Variants in DENND2A observed in about 807,000 individuals in gnomAD.
DENND2A encodes the protein DENN domain-containing protein 2A.
A neutral mutation model predicts 105.3 loss-of-function variants in DENND2A; 53 were observed. That is an observed-to-expected ratio of 0.50 (90% confidence interval 0.40 to 0.63). DENND2A has a LOEUF of 0.63. Among genes scored for constraint, DENND2A ranks in the 30% least tolerant of loss-of-function variants. DENND2A has a pLI of 0.00. For synonymous variants in DENND2A, 522 were observed against 508.4 expected (o/e 1.03, Z -0.36); for missense variants, 1,138 against 1,279.6 (o/e 0.89, Z 1.69).
At chr7:140,519,784 C>A in intron 18 of DENND2A, 66 bp from the exon 19 acceptor site, 1 of 1,402,620 alleles carries the variant, frequency 7.1e-7, no homozygotes, top group Non-Finnish European at 1.0e-6. Flanking sequence ...GTGTCCATTT[C>A]CTCCCTACCA....
intron 14 of DENND2A, among the ~76,000 whole-genome samples, chr7:140,528,796 T>C (rs1796152607): frequency 6.8e-6 from 1 of 147,134 alleles, no homozygotes; most frequent in Non-Finnish European, 1.5e-5. Context: ...GGGTTAACCA[T>C]TTTATGCATT....
In DENND2A at chr7:140,601,428, T is replaced by C; in HGVS notation, c.970A>G (p.Arg324Gly). The change falls in exon 3 of 20, where the codon AGA becomes GGA. Residue 324 changes from arginine (R) to glycine (G), a missense_variant. This residue lies in a region of DENND2A where 511 missense variants were observed against 499.9 expected (regional missense o/e 1.02). Transcript: ENST00000496613. ...SSVNRRLWTGRQKSSADHRKS... is the reference protein window; with the variant it reads ...SSVNRRLWTGGQKSSADHRKS... Reference sequence around the variant, plus strand: ...CTGTGGTCTGCACTGGATTTCTGTCTCCCGGTCCACAGTCTTCTGTTCACA... The same window carrying C: ...CTGTGGTCTGCACTGGATTTCTGTCCCCCGGTCCACAGTCTTCTGTTCACA... The C allele has an allele frequency of 6.2e-7, 1 of 1,605,980 alleles. No homozygotes were observed. Among genetic ancestry groups the C allele is most frequent in the South Asian group, 1.1e-5 (1 of 89,258 alleles).
intron 16 of DENND2A, among the ~76,000 whole-genome samples, chr7:140,525,526 A>G (rs73163296): frequency 0.017 from 2,516 of 152,268 alleles, 34 homozygotes; most frequent in Non-Finnish European, 0.029. Context: ...ATTGTTAGAA[A>G]ACCATTTTGT....
At chr7:140,629,284 G>T (rs2130734736) in intron 1 of DENND2A, among the ~76,000 whole-genome samples, 1 of 152,272 alleles carries the variant, frequency 6.6e-6, no homozygotes, top group South Asian at 2.1e-4. Flanking sequence ...ATATAAACTG[G>T]AGAAATTTGG....
intron 9 of DENND2A, among the ~76,000 whole-genome samples, chr7:140,566,145 C>T (rs1290710510): frequency 6.6e-6 from 1 of 152,132 alleles, no homozygotes; most frequent in Admixed American, 6.6e-5. Flanking sequence ...GATTCTACAG[C>T]CTCAGCCTCC....
intron 5 of DENND2A, among the ~76,000 whole-genome samples, chr7:140,575,328 T>G (rs1234034967): frequency 6.6e-6 from 1 of 152,136 alleles, no homozygotes; most frequent in Non-Finnish European, 1.5e-5. Flanking sequence ...ACTCTGTTGG[T>G]GAAAGTGAGG....
Position 140,640,504 on chromosome 7 carries a change from C to T in DENND2A, c.-248G>A, listed in dbSNP as rs1360134028. On this transcript the variant is annotated splice_region_variant and 5_prime_UTR_variant, in exon 1 of 20. Transcript: ENST00000496613. The surrounding 1 kb of genome is among the most constrained non-coding windows in gnomAD (Gnocchi z 4.9). ...ACCCCCTGGCCCGGCCCGGCCCTAC[C>T]TCCCCGCGGGCGGCGGCTCCGCGGG... 1.3e-5 allele frequency: 2 copies of T among 151,000 alleles called. No homozygotes were observed. Among genetic ancestry groups the T allele is most frequent in the African/African-American group, 4.9e-5 (2 of 41,158 alleles). The allele number at this position is 151,000 out of a possible 1,614,324, so 9.4% of individuals were successfully genotyped here.
intron 16 of DENND2A, among the ~76,000 whole-genome samples, chr7:140,525,529 C>T (rs1379511780): frequency 6.6e-6 from 1 of 152,112 alleles, no homozygotes; most frequent in East Asian, 1.9e-4. Flanking sequence ...GTTAGAAAAC[C>T]ATTTTGTGTC....
At chr7:140,567,298 GA>G in intron 8 of DENND2A, 25 bp from the exon 9 acceptor site, 2 of 1,081,522 alleles carry the variant, frequency 1.8e-6, no homozygotes, top group Admixed American at 3.6e-5. Flanking sequence ...GAGAGAGAAA[GA>G]GAGAAAGAGA....
At position 140,563,850 on chromosome 7, in the gene DENND2A, C is replaced by T. The variant is rs114892087; in HGVS notation, c.1779+3236G>A. Reference sequence around the variant, plus strand: ...TAAATAAGCTGGGCATGGTTGCATGCGCCTGTAGTCCCAGTTACTTGGGAA... The same window carrying T: ...TAAATAAGCTGGGCATGGTTGCATGTGCCTGTAGTCCCAGTTACTTGGGAA... On this transcript the variant is annotated intron_variant, in intron 9 of 19. Transcript: ENST00000496613. Among the ~76,000 whole-genome samples the T allele has an allele frequency of 6.2e-3, 938 of 152,106 alleles. 6 individuals carry two copies. The highest frequency in any genetic ancestry group is 0.021 in the African/African-American group (866 of 41,494).
intron 1 of DENND2A, among the ~76,000 whole-genome samples, chr7:140,628,283 G>T (rs1193437098): frequency 6.6e-6 from 1 of 152,208 alleles, no homozygotes; most frequent in Non-Finnish European, 1.5e-5. Context: ...TCCCTTTGCA[G>T]CAGAAGTCAG....
At chr7:140,593,090 A>G (rs1799129336) in intron 3 of DENND2A, among the ~76,000 whole-genome samples, 1 of 152,236 alleles carries the variant, frequency 6.6e-6, no homozygotes, top group African/African-American at 2.4e-5. Context: ...CTTCATTTAC[A>G]CATTAACTTT....
intron 18 of DENND2A, among the ~76,000 whole-genome samples, chr7:140,520,952 G>C (rs191518042): frequency 6.7e-6 from 1 of 149,806 alleles, no homozygotes; most frequent in East Asian, 2.0e-4. Flanking sequence ...TCGGCTCACT[G>C]CAACCTCTGC....
chr7:140,585,467 C>A, intron 5 of DENND2A, 122 bp downstream of exon 5: 1 of 1,393,036 alleles, frequency 7.2e-7, no homozygotes, highest in Non-Finnish European at 9.9e-7. Flanking sequence ...TTGTACAAAT[C>A]CAGGAGCCCG....
rs547078887 is a variant in DENND2A, at chr7:140,579,581, C to T, written c.1246-5573G>A. ...CTAATTTTTGTATTTTCAGTAGAGA[C>T]GAGGTTTTGCCATGTTTGCCAGGCT... On this transcript the variant is annotated intron_variant, in intron 5 of 19. Coordinates refer to ENST00000496613, the MANE Select transcript of DENND2A (RefSeq NM_015689.5). Among the ~76,000 whole-genome samples, 44 of 151,770 alleles carry T rather than the reference C, an allele frequency of 2.9e-4. 1 individual carries two copies. The highest frequency in any genetic ancestry group is 9.9e-4 in the African/African-American group (41 of 41,440).
chr7:140,594,856 C>T (rs1333726022), intron 3 of DENND2A, among the ~76,000 whole-genome samples: 2 of 152,174 alleles, frequency 1.3e-5, no homozygotes, highest in Admixed American at 6.6e-5. Context: ...GCTGGGACTA[C>T]AAGTGCGTGC....
At chr7:140,518,847 C>A in intron 19 of DENND2A, 109 bp from the exon 20 acceptor site, 1 of 909,982 alleles carries the variant, frequency 1.1e-6, no homozygotes, top group Non-Finnish European at 1.8e-6. Flanking sequence ...CCCACGCCAC[C>A]CCAGGGAGCC....
intron 3 of DENND2A, among the ~76,000 whole-genome samples, chr7:140,588,766 C>CTTTTTTTT (rs34456581): frequency 1.5e-5 from 2 of 136,846 alleles, no homozygotes; most frequent in African/African-American, 2.7e-5. Context: ...TTTTTTGGCA[C>CTTTTTTTT]TTTTTTTTTT....
At chr7:140,635,150 C>A (rs1384803460) in intron 1 of DENND2A, among the ~76,000 whole-genome samples, 1 of 151,956 alleles carries the variant, frequency 6.6e-6, no homozygotes, top group Non-Finnish European at 1.5e-5. Flanking sequence ...ATAGTCCCCG[C>A]TACTCAAGAG....
Sources: allele counts gnomAD v4.1 joint callset (sites outside exome capture counted in the v4.1 genomes callset), GRCh38; gene constraint gnomAD v4.1.1; regional missense constraint gnomAD v4.1.1; non-coding constraint Gnocchi (gnomAD v3.1); transcripts MANE v1.5; gene names NCBI Gene and HGNC (gene_info 2026-07-23, HGNC 2026-07-21).